The following KLRB1 variants were observed in gnomAD, a reference collection of about 807,000 sequenced individuals.
The protein encoded by KLRB1 is killer cell lectin like receptor B1, also known as killer cell lectin-like receptor subfamily B member 1.
In KLRB1, 27 loss-of-function variants were observed where a neutral mutation model predicts 33.5. The observed-to-expected ratio is 0.81, with a 90% CI of 0.59 to 1.11. The LOEUF is 1.11. Ranked by LOEUF, KLRB1 falls within the 50% of genes most tolerant of loss-of-function variation. The pLI, the probability that KLRB1 is intolerant of heterozygous loss-of-function variation, is 0.00. For missense variants in KLRB1, 241 were observed against 254.1 expected, an observed-to-expected ratio of 0.95 and a Z score of 0.35; for synonymous variants, 64 against 88.9, an observed-to-expected ratio of 0.72 and a Z score of 1.58.
chr12:9,607,332 T>TTCCTTCC (rs1555097748), intron 1 of KLRB1, among the ~76,000 whole-genome samples: 1 of 58,692 alleles, frequency 1.7e-5, no homozygotes, highest in South Asian at 8.9e-4. Flanking sequence ...TTTCTCTTTC[T>TTCCTTCC]TTCCTTTCTT....
intron 1 of KLRB1, among the ~76,000 whole-genome samples, chr12:9,606,775 T>TTTTTTTTTTTTTTTTA (rs1864611163): frequency 1.6e-5 from 2 of 124,256 alleles, no homozygotes; most frequent in African/African-American, 5.7e-5. Context: ...TTTTTTTTTT[T>TTTTTTTTTTTTTTTTA]TGAGATAGTC....
intron 5 of KLRB1, among the ~76,000 whole-genome samples, chr12:9,597,475 G>A (rs537879900): frequency 4.6e-5 from 7 of 152,078 alleles, no homozygotes; most frequent in Non-Finnish European, 8.8e-5. Context: ...CAAGACAAAA[G>A]CATGTCACAC....
rs141057839 is a variant in KLRB1 at position 9,598,606 on chromosome 12, C to T, written c.307G>A (p.Glu103Lys). 5.4e-3 allele frequency: 8,727 copies of T among 1,613,080 alleles called. 40 individuals carry two copies. Among genetic ancestry groups the T allele is most frequent in the Middle Eastern group, 0.018 (111 of 6,052 alleles). Reference sequence around the variant, plus strand: ...GTGTGAGAAAATAACAAGCATTTCTCTCGGAGTTGCTGCCAATATATTGGG... The same window carrying T: ...GTGTGAGAAAATAACAAGCATTTCTTTCGGAGTTGCTGCCAATATATTGGG... ...NCPIYWQQLR[E>K]KCLLFSHTVN... Residue 103 changes from glutamate (E) to lysine (K), a missense_variant, in exon 4 of 6, where the codon GAG (glutamate) becomes AAG (lysine). Transcript: ENST00000229402.
chr12:9,604,438 A>G (rs995165810), intron 1 of KLRB1, among the ~76,000 whole-genome samples: 1 of 152,132 alleles, frequency 6.6e-6, no homozygotes, highest in African/African-American at 2.4e-5. Flanking sequence ...CACAATCACC[A>G]TGCTACAGAG....
chr12:9,607,696 C>G (rs767296171), intron 1 of KLRB1, 59 bp downstream of exon 1: 2 of 1,105,354 alleles, frequency 1.8e-6, no homozygotes, highest in African/African-American at 1.5e-5. Context: ...ATAAATGTAA[C>G]AGGAAGATCT....
rs756885407 is a variant in KLRB1, at chr12:9,595,307, TGTTA to T, written c.641_644del (p.Leu214HisfsTer3). On this transcript the variant is annotated frameshift_variant, in exon 6 of 6. Coordinates refer to ENST00000229402, the MANE Select transcript of KLRB1 (RefSeq NM_002258.3). LOFTEE classifies it high-confidence loss of function. The stretch of plus-strand genomic sequence containing the variant: ...CAGGATACACTTTATTTCTCACAGG[TGTTA>T]GTTCTTTTTGGCAGATCCATCTGAT... The T allele has an allele frequency of 3.1e-6, 5 of 1,613,404 alleles. No individual in the cohort carries two copies. Among genetic ancestry groups the T allele is most frequent in the Non-Finnish European group, 4.2e-6 (5 of 1,179,546 alleles).
chr12:9,607,355 C>CTTCCTTCCTTTCTTT (rs1555097796), intron 1 of KLRB1, among the ~76,000 whole-genome samples: 4 of 52,706 alleles, frequency 7.6e-5, no homozygotes, highest in South Asian at 1.1e-3. Context: ...TTTCTTTCTT[C>CTTCCTTCCTTTCTTT]CTTTCTTTCT....
At chr12:9,606,761 T>TATATATATATATA (rs1491174451) in intron 1 of KLRB1, among the ~76,000 whole-genome samples, 1 of 23,678 alleles carries the variant, frequency 4.2e-5, no homozygotes, top group Non-Finnish European at 7.4e-5. Flanking sequence ...TATATATATA[T>TATATATATATATA]TTTTTTTTTT....
chr12:9,601,590 T>A lies in KLRB1; in HGVS notation c.95A>T (p.Gln32Leu). The A allele has an allele frequency of 6.2e-7, 1 of 1,609,152 alleles. No homozygotes were observed. The highest frequency in any genetic ancestry group is 8.5e-7 in the Non-Finnish European group (1 of 1,175,956). The change falls in exon 2 of 6, where the codon CAG (glutamine) becomes CTG (leucine). Residue 32 changes from glutamine to leucine, a missense_variant. Transcript: ENST00000229402. ...GGCAAATTGATGCCAAGGTGAACCC[T>A]GACAGACATCTGAAAAGTTAAAAAG... ...SPSSLPRDVC[Q>L]GSPWHQFALK... is the part of the protein sequence containing the mutation.
At chr12:9,596,065 T>C (rs1005447799) in intron 5 of KLRB1, among the ~76,000 whole-genome samples, 5 of 152,174 alleles carry the variant, frequency 3.3e-5, no homozygotes, top group African/African-American at 7.2e-5. Flanking sequence ...TAGGAGGTGA[T>C]GATATAATTC....
chr12:9,598,752 C>CATTATA, intron 3 of KLRB1, 99 bp from the exon 4 acceptor site: 1 of 784,990 alleles, frequency 1.3e-6, no homozygotes, highest in Non-Finnish European at 1.9e-6. Flanking sequence ...TATAAATGCT[C>CATTATA]AAAGTTTTTG....
intron 1 of KLRB1, among the ~76,000 whole-genome samples, chr12:9,601,883 G>A (rs781059340): frequency 6.6e-6 from 1 of 152,192 alleles, no homozygotes; most frequent in Non-Finnish European, 1.5e-5. Flanking sequence ...AAATGAGATA[G>A]ATAGAAAGAT....
chr12:9,597,972 ATCT>A, intron 5 of KLRB1, 71 bp downstream of exon 5: 1 of 704,778 alleles, frequency 1.4e-6, no homozygotes, highest in East Asian at 3.0e-5. Flanking sequence ...ACAAAACTCA[ATCT>A]TCAGTGTTAC....
intron 1 of KLRB1, among the ~76,000 whole-genome samples, chr12:9,606,761 T>TATATATATATATATA (rs1491174451): frequency 3.0e-4 from 7 of 23,680 alleles, no homozygotes; most frequent in African/African-American, 1.1e-3. Context: ...TATATATATA[T>TATATATATATATATA]TTTTTTTTTT....
In KLRB1 at chr12:9,598,107, TTAATC is replaced by T; in HGVS notation, c.464_468del (p.Gly155GlufsTer20). 6.3e-7 allele frequency: 1 copy of T among 1,598,692 alleles called. No homozygotes were observed. Among genetic ancestry groups the T allele is most frequent in the Non-Finnish European group, 8.5e-7 (1 of 1,175,026 alleles). On this transcript the variant is annotated frameshift_variant, in exon 5 of 6. Coordinates refer to ENST00000229402, the MANE Select transcript of KLRB1 (RefSeq NM_002258.3). LOFTEE classifies it high-confidence loss of function. ...CAGTTCTTTTCTGATAATGAAAAAT[TTAATC>T]CAATCCAAAACAGAATTGCTTTGTC...
At chr12:9,602,983 G>T (rs964646294) in intron 1 of KLRB1, among the ~76,000 whole-genome samples, 1 of 152,140 alleles carries the variant, frequency 6.6e-6, no homozygotes. Flanking sequence ...CTCTAAAACG[G>T]CCCTGAGGAG....
chr12:9,599,886 G>T, intron 2 of KLRB1, 45 bp from the exon 3 acceptor site: 1 of 1,029,202 alleles, frequency 9.7e-7, no homozygotes. Flanking sequence ...TGAAATGTGT[G>T]GTGGAGTGGA....
At chr12:9,606,527 C>T (rs1012125793) in intron 1 of KLRB1, 1 of 151,392 alleles carries the variant, frequency 6.6e-6, no homozygotes, top group Non-Finnish European at 1.5e-5. Flanking sequence ...TGATACTTTT[C>T]AAACTAGAAA....
intron 2 of KLRB1, among the ~76,000 whole-genome samples, chr12:9,601,091 G>A (rs1864536384): frequency 8.8e-6 from 1 of 114,152 alleles, no homozygotes; most frequent in African/African-American, 3.1e-5. Context: ...GCTTTGTAAA[G>A]CATTGAGATG....
Sources: allele counts gnomAD v4.1 joint callset (sites outside exome capture counted in the v4.1 genomes callset), GRCh38; gene constraint gnomAD v4.1.1; transcripts MANE v1.5; gene names NCBI Gene and HGNC (gene_info 2026-07-23, HGNC 2026-07-21).